The following STPG2 variants were observed in gnomAD, a reference collection of about 807,000 sequenced individuals.
STPG2 encodes the protein sperm tail PG-rich repeat containing 2.
In STPG2, 56 loss-of-function variants were observed where a neutral mutation model predicts 54.2. The observed-to-expected ratio is 1.03, with a 90% CI of 0.83 to 1.29. The LOEUF is 1.29. Ranked by LOEUF, STPG2 falls within the 50% of genes most tolerant of loss-of-function variation. The pLI is 0.00. For synonymous variants in STPG2, 200 were observed against 181.8 expected, an observed-to-expected ratio of 1.10 and a Z score of -0.81; for missense variants, 596 against 544.9, an observed-to-expected ratio of 1.09 and a Z score of -0.93.
intron 8 of STPG2, among the ~76,000 whole-genome samples, chr4:97,877,743 A>T (rs546879480): frequency 6.2e-4 from 94 of 152,192 alleles, no homozygotes; most frequent in African/African-American, 2.2e-3. Flanking sequence ...AAACTATATC[A>T]TTCCACCCCT....
At chr4:97,875,089 G>A (rs1730125155) in intron 8 of STPG2, among the ~76,000 whole-genome samples, 1 of 151,898 alleles carries the variant, frequency 6.6e-6, no homozygotes, top group Admixed American at 6.6e-5. Flanking sequence ...ACTAGTTAAT[G>A]AACATTTAGA....
chr4:98,071,938 G>T (rs980949930), intron 5 of STPG2, among the ~76,000 whole-genome samples: 7 of 152,136 alleles, frequency 4.6e-5, no homozygotes, highest in African/African-American at 1.7e-4. Flanking sequence ...GGAGAGAAAA[G>T]AATACTTATA....
intron 8 of STPG2, among the ~76,000 whole-genome samples, chr4:97,879,518 T>C (rs1319708706): frequency 6.6e-6 from 1 of 152,102 alleles, no homozygotes; most frequent in Non-Finnish European, 1.5e-5. Flanking sequence ...GGTTTCCCCT[T>C]ATAAAGCCAT....
chr4:97,837,313 T>C (rs1728663554), intron 9 of STPG2, among the ~76,000 whole-genome samples: 1 of 151,660 alleles, frequency 6.6e-6, no homozygotes, highest in Non-Finnish European at 1.5e-5. Flanking sequence ...TGATATAAAT[T>C]TATACTTTCA....
intron 5 of STPG2, among the ~76,000 whole-genome samples, chr4:98,062,099 T>C (rs949507823): frequency 6.6e-6 from 1 of 152,270 alleles, no homozygotes; most frequent in Non-Finnish European, 1.5e-5. Flanking sequence ...ATATACACCA[T>C]GGAATACTAT....
intron 10 of STPG2, among the ~76,000 whole-genome samples, chr4:97,690,902 C>T (rs908625135): frequency 3.3e-5 from 5 of 152,148 alleles, no homozygotes; most frequent in African/African-American, 1.2e-4. Context: ...TAACCATGCA[C>T]TTAAACAGGT....
rs1209478019 is a variant in STPG2, at chr4:97,732,091, C to T, written c.1205-19277G>A. On this transcript the variant is annotated intron_variant, in intron 9 of 10. Transcript: ENST00000295268. The stretch of plus-strand genomic sequence containing the variant: ...TAGGAAAGACAGCCCTGCTCTCTCT[C>T]AGCCCTGCAGTTAGTAGGGGCCAGA... 3.9e-5 allele frequency among the ~76,000 whole-genome samples: 6 copies of T among 152,002 alleles called. No homozygotes were observed. The East Asian group carries it at 1.2e-3, about 29-fold the overall frequency.
chr4:97,518,117 T>C (rs1387059724), intron 4 of STPG2, among the ~76,000 whole-genome samples: 1 of 152,094 alleles, frequency 6.6e-6, no homozygotes, highest in African/African-American at 2.4e-5. Flanking sequence ...TCACTGCTAT[T>C]TTGACACATT....
At chr4:98,126,006 T>C (rs980751683) in intron 3 of STPG2, among the ~76,000 whole-genome samples, 2 of 152,208 alleles carry the variant, frequency 1.3e-5, no homozygotes, top group African/African-American at 2.4e-5. Flanking sequence ...CCAGTCTCTC[T>C]GGCACTGGCA....
At chr4:97,792,603 A>T (rs933740201) in intron 9 of STPG2, among the ~76,000 whole-genome samples, 1 of 151,842 alleles carries the variant, frequency 6.6e-6, no homozygotes, top group African/African-American at 2.4e-5. Context: ...AGATCTTATC[A>T]ATGGTCTACT....
chr4:97,471,765 A>G (rs1427671839), intron 4 of STPG2, among the ~76,000 whole-genome samples: 1 of 152,212 alleles, frequency 6.6e-6, no homozygotes, highest in African/African-American at 2.4e-5. Context: ...GAAGAAGTTT[A>G]TATCAGTTAA....
At chr4:97,850,813 G>A (rs1197261718) in intron 8 of STPG2, among the ~76,000 whole-genome samples, 1 of 151,936 alleles carries the variant, frequency 6.6e-6, no homozygotes, top group African/African-American at 2.4e-5. Flanking sequence ...GCTTTACTTG[G>A]GCACATTGAT....
chr4:97,962,861 A>C (rs2149249349), intron 7 of STPG2, among the ~76,000 whole-genome samples: 1 of 152,300 alleles, frequency 6.6e-6, no homozygotes, highest in African/African-American at 2.4e-5. Flanking sequence ...TACAGTGAAG[A>C]ATAAATACTA....
At chr4:97,647,751 T>C (rs1013039031) in intron 10 of STPG2, among the ~76,000 whole-genome samples, 1 of 152,098 alleles carries the variant, frequency 6.6e-6, no homozygotes, top group Non-Finnish European at 1.5e-5. Flanking sequence ...GCTAGCACTG[T>C]CTGTAGGAAT....
At chr4:97,541,946 C>T (rs1280243408) in intron 4 of STPG2, among the ~76,000 whole-genome samples, 1 of 152,134 alleles carries the variant, frequency 6.6e-6, no homozygotes. Flanking sequence ...GGATCCCTTC[C>T]TTACACCTTA....
chr4:97,880,309 T>C (rs888529199), intron 8 of STPG2, among the ~76,000 whole-genome samples: 2 of 152,320 alleles, frequency 1.3e-5, no homozygotes, highest in East Asian at 3.9e-4. Context: ...TTTGCATGCA[T>C]AGATATTTAA....
intron 8 of STPG2, among the ~76,000 whole-genome samples, chr4:97,907,713 ACT>A: frequency 2.6e-5 from 4 of 152,186 alleles, no homozygotes; most frequent in Non-Finnish European, 4.4e-5. Context: ...AAATAACGCC[ACT>A]TATCTACAAC....
At chr4:98,076,734 A>C (rs1309704372) in intron 5 of STPG2, among the ~76,000 whole-genome samples, 1 of 152,226 alleles carries the variant, frequency 6.6e-6, no homozygotes, top group African/African-American at 2.4e-5. Flanking sequence ...CTATAATTTT[A>C]ACAGGTATAG....
rs12646852 is a variant in STPG2, at chr4:97,606,446, G to A, written c.1321-47329C>T. 7.9e-5 allele frequency among the ~76,000 whole-genome samples: 12 copies of A among 151,962 alleles called. No homozygotes were observed. In the East Asian group the frequency reaches 2.1e-3, roughly 27 times the overall value. ...CTGCATTGTACCAAAAATACAGAAA[G>A]TGTAAAAATATTTTATTGGAAAAAA... On this transcript the variant is annotated intron_variant, in intron 10 of 10. Transcript: ENST00000295268.
Sources: gnomAD v4.1 joint callset for allele counts (sites outside exome capture counted in the v4.1 genomes callset) on GRCh38, gnomAD v4.1.1 for gene constraint, MANE v1.5 for transcripts, NCBI Gene and HGNC (gene_info 2026-07-23, HGNC 2026-07-21) for gene names.